SLC14A2: variants seen among roughly 807,000 people sequenced by gnomAD.
SLC14A2 encodes urea transporter 2.
SLC14A2 carries 91 observed loss-of-function variants against 104.6 expected under a neutral mutation model. That is an observed-to-expected ratio of 0.87 (90% CI 0.73 to 1.04). The LOEUF is 1.04. SLC14A2 is among the 50% of genes least tolerant of loss of function. SLC14A2 has a pLI of 0.00. For synonymous variants in SLC14A2, 476 were observed against 466.4 expected (o/e 1.02, Z -0.27); for missense variants, 1,189 against 1,156.0 (o/e 1.03, Z -0.41).
rs192978293 is a variant in SLC14A2, at chr18:45,550,734, G to A, written c.-35+67412G>A. Among the ~76,000 whole-genome samples the A allele has an allele frequency of 5.3e-5, 8 of 152,264 alleles. No homozygotes were observed. The East Asian group carries it at 1.4e-3, about 26-fold the overall frequency. On this transcript the variant is annotated intron_variant, in intron 2 of 20. Coordinates refer to the SLC14A2 transcript ENST00000586448. ...TGAAAATCTGAGCTGTTTAAGGCTG[G>A]ATCTGAGGAGTCTTGGAGGAAAATA...
At chr18:45,500,448 G>A (rs1167219288) in intron 2 of SLC14A2, among the ~76,000 whole-genome samples, 1 of 152,000 alleles carries the variant, frequency 6.6e-6, no homozygotes, top group Non-Finnish European at 1.5e-5. Context: ...GTGGTAGCGG[G>A]CGCCTGTAGT....
intron 1 of SLC14A2, among the ~76,000 whole-genome samples, chr18:45,317,323 C>T (rs2085139645): frequency 1.3e-5 from 2 of 152,222 alleles, no homozygotes; most frequent in African/African-American, 4.8e-5. Flanking sequence ...TGAGCATCTA[C>T]TATGTGCCAG....
At chr18:45,610,174 C>T (rs1009416716) in intron 2 of SLC14A2, among the ~76,000 whole-genome samples, 1 of 152,054 alleles carries the variant, frequency 6.6e-6, no homozygotes, top group African/African-American at 2.4e-5. Context: ...CTGAGTGAGC[C>T]CAGGAATCAC....
chr18:45,185,537 C>T, the SLC14A2 span, among the ~76,000 whole-genome samples: 1 of 152,154 alleles, frequency 6.6e-6, no homozygotes, highest in African/African-American at 2.4e-5. Flanking sequence ...CAACAAATGT[C>T]ATACTTAATG....
chr18:45,425,501 T>C, intron 1 of SLC14A2, among the ~76,000 whole-genome samples: 1 of 152,158 alleles, frequency 6.6e-6, no homozygotes, highest in East Asian at 1.9e-4. Context: ...TTAGTCCCCC[T>C]GATGAATTGC....
chr18:45,248,337 T>C (rs2084387610), intron 1 of SLC14A2, among the ~76,000 whole-genome samples: 1 of 152,102 alleles, frequency 6.6e-6, no homozygotes, highest in South Asian at 2.1e-4. Context: ...ATTTCTTCTG[T>C]TCTTGAGACA....
chr18:45,457,582 A>G (rs756557954), intron 1 of SLC14A2, among the ~76,000 whole-genome samples: 27 of 152,048 alleles, frequency 1.8e-4, no homozygotes, highest in Non-Finnish European at 2.4e-4. Context: ...GAGTTCTAAA[A>G]TCCTAGGAGC....
At chr18:45,363,332 T>G (rs1434021795) in intron 1 of SLC14A2, among the ~76,000 whole-genome samples, 1 of 151,886 alleles carries the variant, frequency 6.6e-6, no homozygotes, top group Non-Finnish European at 1.5e-5. Context: ...TTTCTAATAA[T>G]TGTATCTATG....
At chr18:45,330,351 C>A (rs1410575266) in intron 1 of SLC14A2, among the ~76,000 whole-genome samples, 1 of 152,078 alleles carries the variant, frequency 6.6e-6, no homozygotes, top group Non-Finnish European at 1.5e-5. Flanking sequence ...TGGTCACAGG[C>A]AAAAGAGTGT....
chr18:45,210,848 T>G (rs561630918), upstream of SLC14A2, among the ~76,000 whole-genome samples: 21 of 152,340 alleles, frequency 1.4e-4, no homozygotes, highest in African/African-American at 4.8e-4. Flanking sequence ...GAATGTGTTG[T>G]TGTGCATTCT....
chr18:45,243,807 C>T (rs1443195840), intron 1 of SLC14A2, among the ~76,000 whole-genome samples: 2 of 152,144 alleles, frequency 1.3e-5, no homozygotes, highest in African/African-American at 4.8e-5. Context: ...TCTGAATATA[C>T]GTTCATTAAT....
At chr18:45,365,952 T>C (rs16978353) in intron 1 of SLC14A2, among the ~76,000 whole-genome samples, 50,705 of 139,164 alleles carry the variant, frequency 0.36, 8,840 homozygotes, top group South Asian at 0.45. Flanking sequence ...GATTATCCCA[T>C]AAACAGACTA....
chr18:45,670,473 C>T (rs1182395886), intron 16 of SLC14A2, among the ~76,000 whole-genome samples: 2 of 152,178 alleles, frequency 1.3e-5, no homozygotes, highest in Non-Finnish European at 2.9e-5. Flanking sequence ...CACTCTGAGA[C>T]TTCGTTATTG....
At chr18:45,298,686 A>G (rs1373882312) in intron 1 of SLC14A2, among the ~76,000 whole-genome samples, 1 of 152,210 alleles carries the variant, frequency 6.6e-6, no homozygotes, top group African/African-American at 2.4e-5. Context: ...ATATCATTCT[A>G]ATTATGAAAA....
At chr18:45,522,527 C>T (rs2043531308) in intron 2 of SLC14A2, among the ~76,000 whole-genome samples, 1 of 152,016 alleles carries the variant, frequency 6.6e-6, no homozygotes, top group Non-Finnish European at 1.5e-5. Context: ...TAACTCACTA[C>T]CCAGAATGGA....
At chr18:45,612,876 T>C (rs2044994703), upstream of SLC14A2, among the ~76,000 whole-genome samples, 1 of 152,148 alleles carries the variant, frequency 6.6e-6, no homozygotes, top group South Asian at 2.1e-4. Flanking sequence ...AGTTCCTCCT[T>C]CTCACACACT....
At position 45,392,822 on chromosome 18, in the gene SLC14A2, T is replaced by G. The variant is rs1222423455; in HGVS notation, c.-124-90411T>G. Among the ~76,000 whole-genome samples, 6 of 152,344 alleles carry G rather than the reference T, an allele frequency of 3.9e-5. 1 individual carries two copies. Among genetic ancestry groups the G allele is most frequent in the South Asian group, 4.1e-4 (2 of 4,830 alleles). On this transcript the variant is annotated intron_variant, in intron 1 of 20. Coordinates refer to the SLC14A2 transcript ENST00000586448. ...ATGTTCTTTTTAACAAAGTGGTAAG[T>G]TCTTAGTAAATGAAGATAAAGCATG...
At chr18:45,615,846 AGAGAGAGAGAGAGG>A (rs2045061139) in intron 1 of SLC14A2, among the ~76,000 whole-genome samples, 3 of 150,648 alleles carry the variant, frequency 2.0e-5, no homozygotes, top group African/African-American at 7.4e-5. Flanking sequence ...TGAGAGAGAG[AGAGAGAGAGAGAGG>A]GAGAGAGAGA....
intron 4 of SLC14A2, among the ~76,000 whole-genome samples, 169 bp from the exon 5 acceptor site, chr18:45,632,181 G>T (rs533791791): frequency 6.6e-6 from 1 of 152,128 alleles, no homozygotes; most frequent in African/African-American, 2.4e-5. Context: ...TATCAGGAAA[G>T]GTGCTGGCAG....
Sources: gnomAD v4.1 joint callset for allele counts (sites outside exome capture counted in the v4.1 genomes callset) on GRCh38, gnomAD v4.1.1 for gene constraint, MANE v1.5 for transcripts, NCBI Gene and HGNC (gene_info 2026-07-23, HGNC 2026-07-21) for gene names.